The following TRAF5 variants were observed in gnomAD, a reference collection of about 807,000 sequenced individuals.
The protein encoded by TRAF5 is TNF receptor associated factor 5.
In TRAF5, 48 loss-of-function variants were observed where a neutral mutation model predicts 64.5. The observed-to-expected ratio is 0.74, with a 90% confidence interval of 0.59 to 0.95. TRAF5 has a LOEUF of 0.95. TRAF5 is among the 40% of genes least tolerant of loss of function. The probability of loss-of-function intolerance (pLI) is 0.00; values close to 1 mark genes in which losing one functional copy is unlikely to be tolerated. For synonymous variants in TRAF5, 206 were observed against 240.5 expected (o/e 0.86, Z 1.33); for missense variants, 545 against 662.8 (o/e 0.82, Z 1.95).
At chr1:211,326,809 T>TCGC (rs961717486), upstream of TRAF5, 27 of 983,864 alleles carry the variant, frequency 2.7e-5, no homozygotes, top group African/African-American at 8.8e-5. The surrounding 1 kb of genome is among the most constrained non-coding windows in gnomAD (Gnocchi z 5.0). Context: ...CGCCTCCGCT[T>TCGC]CGCCGCCGCC....
rs767556450 is a variant in TRAF5, at chr1:211,372,129, C to T, written c.1101C>T (p.Ala367=). The change falls in exon 11 of 11, where the codon GCC becomes GCT. Residue 367 remains alanine, a splice_region_variant and synonymous_variant. Coordinates refer to ENST00000261464, the MANE Select transcript of TRAF5 (RefSeq NM_001033910.3). ...TTTTTTTTTTTTTCTTATTTGCAGC[C>T]GTTTTAGAAGAGGAAACTAACAAAC... ...TLLENNDQRL[A]VLEEETNKHD... The T allele has an allele frequency of 4.7e-6, 7 of 1,505,040 alleles. No homozygotes were observed. The highest frequency in any genetic ancestry group is 2.3e-5 in the Admixed American group (1 of 44,164). The allele number at this position is 1,505,040 out of a possible 1,614,324, so 93.2% of individuals were successfully genotyped here.
rs771858403 is a variant in TRAF5, at chr1:211,369,582, C to T, written c.920C>T (p.Pro307Leu). Reference sequence around the variant, plus strand: ...TTTGGCAAAAATGGAAGCTTCCTCCCAAACATCCAGGTAAGAAATGGCCTT... The same window carrying T: ...TTTGGCAAAAATGGAAGCTTCCTCCTAAACATCCAGGTAAGAAATGGCCTT... ...QLFGKNGSFL[P>L]NIQVFASHID... The change falls in exon 9 of 11, where the codon CCA (proline) becomes CTA (leucine). Residue 307 changes from proline (P) to leucine (L), a missense_variant. Physicochemically the swap from Pro to Leu is moderately conservative, Grantham distance 98 (BLOSUM62 -3). Transcript: ENST00000261464. 7 of 1,589,322 alleles carry T rather than the reference C, an allele frequency of 4.4e-6. No individual in the cohort carries two copies. In the South Asian group the frequency reaches 7.1e-5, roughly 16 times the overall value.
At chr1:211,365,615 A>G (rs1225659656) in intron 8 of TRAF5, 147 bp downstream of exon 8, 1 of 602,642 alleles carries the variant, frequency 1.7e-6, no homozygotes, top group Non-Finnish European at 2.8e-6. Flanking sequence ...AAACAGGCTC[A>G]TAGGATTATA....
chr1:211,369,140 G>T lies in TRAF5; in HGVS notation c.790-312G>T, dbSNP rs541786401. The T allele has an allele frequency of 4.6e-4, 77 of 168,136 alleles. No individual in the cohort carries two copies. In the Middle Eastern group the frequency reaches 0.014, roughly 30 times the overall value. 10.4% of individuals were successfully genotyped at this position (168,136 alleles called of 1,614,324 possible). A position where few individuals can be genotyped will look rare whatever the true frequency, so the allele number is the denominator to read the frequency against. On this transcript the variant is annotated intron_variant, in intron 8 of 10. Coordinates refer to ENST00000261464, the MANE Select transcript of TRAF5 (RefSeq NM_001033910.3). ...CCTGGCTTCTGTGGTTGCTTAATAA[G>T]TCCATGTTGAATGAATGAAGAGAAC... is the stretch of plus-strand genomic sequence containing the variant.
At chr1:211,356,279 A>G (rs1702962481) in intron 3 of TRAF5, 88 bp from the exon 4 acceptor site, 1 of 1,036,748 alleles carries the variant, frequency 9.6e-7, no homozygotes, top group Non-Finnish European at 1.4e-6. Flanking sequence ...GCCTTCTGAG[A>G]TACACTCGAA....
intron 1 of TRAF5, among the ~76,000 whole-genome samples, chr1:211,349,167 C>CA (rs1472203695): frequency 6.6e-6 from 1 of 152,006 alleles, no homozygotes; most frequent in East Asian, 1.9e-4. Context: ...ATGGTTACAC[C>CA]ACTGCACTCC....
At chr1:211,335,721 G>T (rs910744673) in intron 1 of TRAF5, among the ~76,000 whole-genome samples, 8 of 152,142 alleles carry the variant, frequency 5.3e-5, no homozygotes, top group Admixed American at 5.2e-4. Context: ...GATGTTTCCG[G>T]AAGAGACAAC....
At position 211,359,908 on chromosome 1, in the gene TRAF5, G is replaced by C; in HGVS notation, c.379-4G>C. 6.2e-7 allele frequency: 1 copy of C among 1,613,834 alleles called. No homozygotes were observed. Among genetic ancestry groups the C allele is most frequent in the Non-Finnish European group, 8.5e-7 (1 of 1,179,794 alleles). ...TCCCACTGGCCTGTTGTTATCTGTT[G>C]CAGGATCACCTTCAGCAGTGCTTAT... On this transcript the variant is annotated splice_region_variant and splice_polypyrimidine_tract_variant and intron_variant, in intron 4 of 10. Coordinates refer to ENST00000261464, the MANE Select transcript of TRAF5 (RefSeq NM_001033910.3).
intron 1 of TRAF5, among the ~76,000 whole-genome samples, chr1:211,345,965 A>C (rs1302628898): frequency 7.9e-5 from 12 of 152,288 alleles, no homozygotes; most frequent in Admixed American, 5.2e-4. Flanking sequence ...CATGCTGCAG[A>C]GCTAAGCAGA....
chr1:211,339,994 G>A (rs1416613293), intron 1 of TRAF5, among the ~76,000 whole-genome samples: 1 of 152,230 alleles, frequency 6.6e-6, no homozygotes, highest in African/African-American at 2.4e-5. Flanking sequence ...CTAGAATGAT[G>A]TTGACCTTTG....
chr1:211,355,405 G>A (rs1702929048), intron 3 of TRAF5, among the ~76,000 whole-genome samples: 1 of 151,952 alleles, frequency 6.6e-6, no homozygotes, highest in African/African-American at 2.4e-5. Flanking sequence ...ACGATTGTCT[G>A]TTCCATTGTC....
rs779468702 is a variant in TRAF5, at chr1:211,372,589, T to C, written c.1561T>C (p.Cys521Arg). Residue 521 changes from cysteine to arginine, a missense_variant, in exon 11 of 11, where the codon TGT (cysteine) becomes CGT (arginine). Cys to Arg is a radical substitution (Grantham distance 180). Transcript: ENST00000261464. ...PDGEMNIASG[C>R]PRFVAHSVLE... ...TGGGGAGATGAACATTGCATCTGGC[T>C]GTCCCCGCTTTGTGGCTCATTCTGT... 9.3e-6 allele frequency: 15 copies of C among 1,614,222 alleles called. No homozygotes were observed. Among genetic ancestry groups the C allele is most frequent in the South Asian group, 3.3e-5 (3 of 91,088 alleles).
chr1:211,372,574 A>G lies in TRAF5; in HGVS notation c.1546A>G (p.Asn516Asp), dbSNP rs1703574262. The change falls in exon 11 of 11, where the codon AAC becomes GAC. Residue 516 changes from asparagine to aspartate, a missense_variant. Asn to Asp is a conservative substitution (Grantham distance 23). Coordinates refer to ENST00000261464, the MANE Select transcript of TRAF5 (RefSeq NM_001033910.3). ...SSFKRPDGEM[N>D]IASGCPRFVA... is the part of the protein sequence containing the mutation. ...CTTTAAAAGACCTGATGGGGAGATG[A>G]ACATTGCATCTGGCTGTCCCCGCTT... is the stretch of plus-strand genomic sequence containing the variant. The G allele has an allele frequency of 6.2e-7, 1 of 1,614,080 alleles. No homozygotes were observed. Among genetic ancestry groups the G allele is most frequent in the African/African-American group, 1.3e-5 (1 of 74,936 alleles).
chr1:211,349,508 C>T (rs1468223264), intron 1 of TRAF5, among the ~76,000 whole-genome samples: 1 of 152,168 alleles, frequency 6.6e-6, no homozygotes, highest in South Asian at 2.1e-4. Flanking sequence ...CTGGTCCCAT[C>T]CGTGGATACA....
In TRAF5 at chr1:211,374,044, T is replaced by C. The variant is rs903461066; in HGVS notation, c.*1342T>C. 6.6e-6 allele frequency: 1 copy of C among 152,184 alleles called. No individual in the cohort carries two copies. Among genetic ancestry groups the C allele is most frequent in the African/African-American group, 2.4e-5 (1 of 41,432 alleles). 9.4% of individuals were successfully genotyped at this position (152,184 alleles called of 1,614,324 possible). ...CACCGCGTCAAGCCTCTGACAACTA[T>C]TGAATTTGTAAGCTGCTATGCAAAT... On this transcript the variant is annotated 3_prime_UTR_variant, in exon 11 of 11. Transcript: ENST00000261464.
chr1:211,365,432 T>C lies in TRAF5; in HGVS notation c.753T>C (p.Arg251=). The C allele has an allele frequency of 6.2e-7, 1 of 1,613,838 alleles. No individual in the cohort carries two copies. The highest frequency in any genetic ancestry group is 1.1e-5 in the South Asian group (1 of 91,036). ...ATTCAGCCTTACGGGAGCACATGCG[T>C]TTGGTTTTAGAAAAGAATGTCCAAT... ...HEHSALREHM[R]LVLEKNVQLE... The change falls in exon 8 of 11, where the codon CGT becomes CGC. Residue 251 remains arginine, a synonymous_variant. Coordinates refer to ENST00000261464, the MANE Select transcript of TRAF5 (RefSeq NM_001033910.3).
intron 1 of TRAF5, among the ~76,000 whole-genome samples, chr1:211,337,405 G>T (rs1420123698): frequency 6.6e-6 from 1 of 152,166 alleles, no homozygotes; most frequent in Non-Finnish European, 1.5e-5. Context: ...AGACAAGGGG[G>T]AAGGCACTAG....
chr1:211,372,792 C>A lies in TRAF5; in HGVS notation c.*90C>A, dbSNP rs1703583575. 2 of 1,199,360 alleles carry A rather than the reference C, an allele frequency of 1.7e-6. No individual in the cohort carries two copies. The highest frequency in any genetic ancestry group is 2.2e-5 in the Admixed American group (1 of 44,768). The allele number at this position is 1,199,360 out of a possible 1,614,324, so 74.3% of individuals were successfully genotyped here. A position where few individuals can be genotyped will look rare whatever the true frequency, so the allele number is the denominator to read the frequency against. ...TATCATATTGACCTGGATTTAGACT[C>A]AAAGCACATTTGTATTTGCCTTTTT... On this transcript the variant is annotated 3_prime_UTR_variant, in exon 11 of 11. Coordinates refer to ENST00000261464, the MANE Select transcript of TRAF5 (RefSeq NM_001033910.3).
At chr1:211,327,819 G>A (rs564764160) in intron 1 of TRAF5, among the ~76,000 whole-genome samples, 1 of 152,344 alleles carries the variant, frequency 6.6e-6, no homozygotes, top group East Asian at 1.9e-4. Context: ...ACCAGGCGAG[G>A]CTCCCTGCCA....
Sources: allele counts gnomAD v4.1 joint callset (sites outside exome capture counted in the v4.1 genomes callset), GRCh38; gene constraint gnomAD v4.1.1; non-coding constraint Gnocchi (gnomAD v3.1); transcripts MANE v1.5; gene names NCBI Gene and HGNC (gene_info 2026-07-23, HGNC 2026-07-21).